YPEL2: variants seen among roughly 807,000 people sequenced by gnomAD.
YPEL2 encodes the protein protein yippee-like 2.
Under a neutral mutation model 19.1 loss-of-function variants are expected in YPEL2, and 2 were observed. That is an observed-to-expected ratio of 0.10 (90% CI 0.04 to 0.33). The LOEUF (loss-of-function observed/expected upper bound fraction) is 0.33, where lower values mean the gene tolerates loss of function less well. YPEL2 is among the 10% of genes least tolerant of loss of function. The pLI, the probability that YPEL2 is intolerant of heterozygous loss-of-function variation, is 1.00. For missense variants in YPEL2, 66 were observed against 140.7 expected, an observed-to-expected ratio of 0.47 and a Z score of 2.68; for synonymous variants, 52 against 50.0, an observed-to-expected ratio of 1.04 and a Z score of -0.17.
At chr17:59,367,637 C>T (rs1469717748) in intron 2 of YPEL2, among the ~76,000 whole-genome samples, 1 of 152,180 alleles carries the variant, frequency 6.6e-6, no homozygotes, top group East Asian at 1.9e-4. Flanking sequence ...AAATAGGTTT[C>T]TGTGATTTCA....
At chr17:59,392,305 C>G (rs2048011358) in intron 4 of YPEL2, among the ~76,000 whole-genome samples, 1 of 152,036 alleles carries the variant, frequency 6.6e-6, no homozygotes, top group Non-Finnish European at 1.5e-5. Flanking sequence ...TATCAAAAGC[C>G]TTTGACTAAA....
rs560370723 is a variant in YPEL2, at chr17:59,349,808, A to T, written c.-195-3407A>T. 4.0e-5 allele frequency among the ~76,000 whole-genome samples: 6 copies of T among 151,458 alleles called. No individual in the cohort carries two copies. The East Asian group carries it at 7.8e-4, about 20-fold the overall frequency. On this transcript the variant is annotated intron_variant, in intron 1 of 4. Coordinates refer to ENST00000312655, the MANE Select transcript of YPEL2 (RefSeq NM_001005404.4). ...CCTGAGTAGCTGGGACTACAGGCAC[A>T]CGCCACCATGCCCGGCTAATTTTTG...
intron 2 of YPEL2, among the ~76,000 whole-genome samples, chr17:59,376,821 C>T (rs759990623): frequency 7.9e-5 from 12 of 151,550 alleles, no homozygotes; most frequent in African/African-American, 2.7e-4. Flanking sequence ...TGGTGGTGGG[C>T]GCCTGTACTC....
At chr17:59,395,480 G>C (rs960472934) in intron 4 of YPEL2, among the ~76,000 whole-genome samples, 3 of 152,172 alleles carry the variant, frequency 2.0e-5, no homozygotes, top group Admixed American at 2.0e-4. Flanking sequence ...ACACCAAGAT[G>C]TTCTTATGTG....
intron 4 of YPEL2, among the ~76,000 whole-genome samples, chr17:59,393,844 C>T (rs2048021849): frequency 6.6e-6 from 1 of 151,582 alleles, no homozygotes; most frequent in South Asian, 2.1e-4. Context: ...GGTCATAGAT[C>T]AACAGGATCC....
chr17:59,395,613 G>A (rs2048034949), intron 4 of YPEL2, among the ~76,000 whole-genome samples: 1 of 152,166 alleles, frequency 6.6e-6, no homozygotes, highest in East Asian at 1.9e-4. Context: ...CTGGCAGTTA[G>A]GTGGGGCTTA....
chr17:59,394,872 C>T (rs190728300), intron 4 of YPEL2, among the ~76,000 whole-genome samples: 5,177 of 152,338 alleles, frequency 0.034, 139 homozygotes, highest in South Asian at 0.087. Context: ...GGATCACTCG[C>T]GGTTAGGAGC....
chr17:59,383,240 T>C (rs796766436), intron 2 of YPEL2, among the ~76,000 whole-genome samples: 5 of 151,884 alleles, frequency 3.3e-5, no homozygotes, highest in African/African-American at 9.7e-5. Context: ...GTCATACGAG[T>C]TTTAACATAG....
chr17:59,385,107 A>G (rs2047973463), intron 2 of YPEL2, among the ~76,000 whole-genome samples: 2 of 152,334 alleles, frequency 1.3e-5, no homozygotes, highest in East Asian at 1.9e-4. Context: ...TTAAAACCAA[A>G]CCAAAAAGAA....
chr17:59,363,116 T>A (rs930034204), intron 2 of YPEL2: 2 of 152,048 alleles, frequency 1.3e-5, no homozygotes, highest in Non-Finnish European at 2.9e-5. Context: ...TAGCTACTAT[T>A]GATTGAACAC....
At chr17:59,369,529 T>G (rs2047886484) in intron 2 of YPEL2, among the ~76,000 whole-genome samples, 1 of 152,192 alleles carries the variant, frequency 6.6e-6, no homozygotes, top group Non-Finnish European at 1.5e-5. Flanking sequence ...CAGTACAGGG[T>G]CAGCACCCCA....
At chr17:59,381,203 A>AACCTG (rs1408674554) in intron 2 of YPEL2, among the ~76,000 whole-genome samples, 1 of 152,210 alleles carries the variant, frequency 6.6e-6, no homozygotes, top group Admixed American at 6.5e-5. Flanking sequence ...CCAGGACTTG[A>AACCTG]ACCTGAATCT....
intron 1 of YPEL2, among the ~76,000 whole-genome samples, chr17:59,333,512 CTT>C (rs1369300922): frequency 6.6e-6 from 1 of 152,188 alleles, no homozygotes; most frequent in Non-Finnish European, 1.5e-5. Flanking sequence ...GGTTTTCAGA[CTT>C]TGAGTGGGAC....
At chr17:59,394,078 C>T (rs1474905859) in intron 4 of YPEL2, among the ~76,000 whole-genome samples, 1 of 151,968 alleles carries the variant, frequency 6.6e-6, no homozygotes, top group East Asian at 1.9e-4. Flanking sequence ...TCTCACTTCC[C>T]AGTAGGGGCG....
chr17:59,363,309 TTC>T (rs1444114812), intron 2 of YPEL2: 3 of 154,646 alleles, frequency 1.9e-5, no homozygotes, highest in Non-Finnish European at 2.8e-5. Flanking sequence ...CTTTTTTTTT[TTC>T]TTTTTTTTTT....
rs527731213 is a variant in YPEL2, at chr17:59,401,409, T to C, written c.*4219T>C. 6.5e-6 allele frequency: 1 copy of C among 152,802 alleles called. No individual in the cohort carries two copies. Among genetic ancestry groups the C allele is most frequent in the Non-Finnish European group, 1.5e-5 (1 of 68,032 alleles). The allele number at this position is 152,802 out of a possible 1,614,324, so 9.5% of individuals were successfully genotyped here. A position where few individuals can be genotyped will look rare whatever the true frequency, so the allele number is the denominator to read the frequency against. ...TGTTACCAAATTCTATCTGCGCATA[T>C]GTTTTTGTATAACATTTCGGTGACA... On this transcript the variant is annotated 3_prime_UTR_variant, in exon 5 of 5. Transcript: ENST00000312655.
In YPEL2 at chr17:59,379,754, G is replaced by A. The variant is rs143102800; in HGVS notation, c.118-8573G>A. The stretch of plus-strand genomic sequence containing the variant: ...GTGTGAATATATCTCACACTCTTTT[G>A]TAATGTGAATTATATCTCAATTTTT... On this transcript the variant is annotated intron_variant, in intron 2 of 4. Transcript: ENST00000312655. Among the ~76,000 whole-genome samples the A allele has an allele frequency of 4.4e-3, 676 of 152,166 alleles. 7 individuals carry two copies. The highest frequency in any genetic ancestry group is 0.016 in the African/African-American group (644 of 41,496).
chr17:59,385,564 C>T (rs866585529), intron 2 of YPEL2, among the ~76,000 whole-genome samples: 18 of 151,850 alleles, frequency 1.2e-4, no homozygotes, highest in African/African-American at 2.4e-4. Context: ...GGTGACAGAG[C>T]GAGACCTTGT....
intron 1 of YPEL2, among the ~76,000 whole-genome samples, chr17:59,350,218 G>A (rs952700574): frequency 2.0e-5 from 3 of 151,504 alleles, no homozygotes; most frequent in Admixed American, 6.6e-5. Context: ...TCACAGGCGC[G>A]TGCCACCATG....
Sources: allele counts gnomAD v4.1 joint callset (sites outside exome capture counted in the v4.1 genomes callset), GRCh38; gene constraint gnomAD v4.1.1; transcripts MANE v1.5; gene names NCBI Gene and HGNC (gene_info 2026-07-23, HGNC 2026-07-21).